Variants in SETX observed in about 807,000 individuals in gnomAD.
The protein encoded by SETX is helicase senataxin.
A neutral mutation model predicts 227.2 loss-of-function variants in SETX; 90 were observed. That is an observed-to-expected ratio of 0.40 (90% CI 0.33 to 0.47). SETX has a LOEUF of 0.47. Ranked by LOEUF, SETX falls within the 20% of genes least tolerant of loss-of-function variation. The probability of loss-of-function intolerance (pLI) is 0.91; values close to 1 mark genes in which losing one functional copy is unlikely to be tolerated. For missense variants in SETX, 3,052 were observed against 3,181.5 expected, an observed-to-expected ratio of 0.96 and a Z score of 0.98; for synonymous variants, 1,210 against 1,113.2, an observed-to-expected ratio of 1.09 and a Z score of -1.73.
chr9:132,292,891 C>A (rs1844425349), intron 15 of SETX, among the ~76,000 whole-genome samples: 1 of 152,122 alleles, frequency 6.6e-6, no homozygotes, highest in South Asian at 2.1e-4. Flanking sequence ...CCCGCCTCTG[C>A]CTCCCAAAGT....
rs1293229925 is a variant in SETX at position 132,328,298 on chromosome 9, A to T, written c.3300T>A (p.Asn1100Lys). The change falls in exon 10 of 26, where the codon AAT (asparagine) becomes AAA (lysine). Residue 1100 changes from asparagine (N) to lysine (K), a missense_variant. Coordinates refer to ENST00000224140, the MANE Select transcript of SETX (RefSeq NM_015046.7). ...TTTTCTCACCATCTTGAACTGAATT[A>T]TTATCGTCTGGATGATCTTGCCAAA... ...FSVWQDHPDD[N>K]NSVQDGEKKC... The T allele has an allele frequency of 4.3e-6, 7 of 1,613,942 alleles. No individual in the cohort carries two copies. The Admixed American group carries it at 1.2e-4, about 27-fold the overall frequency.
At position 132,328,082 on chromosome 9, in the gene SETX, A is replaced by C; in HGVS notation, c.3516T>G (p.Asp1172Glu). ...RKRSEKPMAEDPVRPSSSVRN... is the reference protein window; with the variant it reads ...RKRSEKPMAEEPVRPSSSVRN... ...TGACAGAAGATGAAGGCCTCACAGG[A>C]TCTTCAGCCATTGGTTTTTCAGATC... Residue 1172 changes from aspartate (D) to glutamate (E), a missense_variant, in exon 10 of 26, where the codon GAT becomes GAG. This residue lies in a region of SETX where 1,483 missense variants were observed against 1,312.0 expected (regional missense o/e 1.13). Coordinates refer to ENST00000224140, the MANE Select transcript of SETX (RefSeq NM_015046.7). The C allele has an allele frequency of 6.2e-7, 1 of 1,614,076 alleles. No individual in the cohort carries two copies. The highest frequency in any genetic ancestry group is 1.3e-5 in the African/African-American group (1 of 75,016).
chr9:132,302,173 C>T (rs10901151), intron 11 of SETX, among the ~76,000 whole-genome samples: 21,292 of 151,034 alleles, frequency 0.14, 2,073 homozygotes, highest in East Asian at 0.42. Flanking sequence ...CTGGCCAACA[C>T]GGTGAAACCC....
intron 10 of SETX, among the ~76,000 whole-genome samples, chr9:132,320,467 G>A (rs977185838): frequency 2.0e-5 from 3 of 151,998 alleles, no homozygotes; most frequent in South Asian, 2.1e-4. Context: ...GATGGCGGGC[G>A]CCTGTAATCC....
At chr9:132,289,981 G>A (rs538154571) in intron 15 of SETX, among the ~76,000 whole-genome samples, 1 of 152,168 alleles carries the variant, frequency 6.6e-6, no homozygotes, top group African/African-American at 2.4e-5. Context: ...GATATAAGTG[G>A]GCAAATCACT....
In SETX at chr9:132,327,915, G is replaced by A. The variant is rs921853577; in HGVS notation, c.3683C>T (p.Thr1228Ile). Residue 1228 changes from threonine to isoleucine, a missense_variant, in exon 10 of 26, where the codon ACT (threonine) becomes ATT (isoleucine). Coordinates refer to ENST00000224140, the MANE Select transcript of SETX (RefSeq NM_015046.7). ...VSQKKSSKLC[T>I]CTEPIRKVPV... ...AACTTTCCTGATGGGTTCTGTACAA[G>A]TACAAAGCTTTGAAGACTTCTTTTG... 6.2e-7 allele frequency: 1 copy of A among 1,614,178 alleles called. No individual in the cohort carries two copies. Among genetic ancestry groups the A allele is most frequent in the Non-Finnish European group, 8.5e-7 (1 of 1,180,038 alleles).
chr9:132,291,159 C>CTTTTTT (rs139976052), intron 15 of SETX, among the ~76,000 whole-genome samples: 61 of 83,802 alleles, frequency 7.3e-4, no homozygotes, highest in Non-Finnish European at 8.7e-4. Context: ...GTTTGAAAAC[C>CTTTTTT]TTTTTTTTTT....
In SETX at chr9:132,317,927, C is replaced by G. The variant is rs138319043; in HGVS notation, c.5275-6071G>C. Among the ~76,000 whole-genome samples, 391 of 152,236 alleles carry G rather than the reference C, an allele frequency of 2.6e-3. 3 individuals are homozygous for G. Among genetic ancestry groups the G allele is most frequent in the African/African-American group, 9.0e-3 (374 of 41,526 alleles). ...ATTCCCTTGGCATTAAAAGCCCTCT[C>G]AATCTCAACTCTCAACTCCTTCTCC... On this transcript the variant is annotated intron_variant, in intron 10 of 25. Coordinates refer to ENST00000224140, the MANE Select transcript of SETX (RefSeq NM_015046.7).
intron 15 of SETX, among the ~76,000 whole-genome samples, chr9:132,293,316 A>C (rs1378415561): frequency 2.0e-5 from 3 of 152,218 alleles, no homozygotes; most frequent in African/African-American, 7.2e-5. Context: ...AGAGACGTTC[A>C]AGTCATTTCC....
In SETX at chr9:132,261,789, G is replaced by T. The variant is rs192424784; in HGVS notation, c.*2450C>A. The stretch of plus-strand genomic sequence containing the variant: ...AAATCCAAGGCAAATTATATACAAA[G>T]AAACAAAACAAGCTTTTAAGTAGCA... On this transcript the variant is annotated 3_prime_UTR_variant, in exon 26 of 26. Coordinates refer to ENST00000224140, the MANE Select transcript of SETX (RefSeq NM_015046.7). 6.5e-6 allele frequency: 1 copy of T among 154,798 alleles called. No homozygotes were observed. Among genetic ancestry groups the T allele is most frequent in the East Asian group, 1.9e-4 (1 of 5,184 alleles). The allele number at this position is 154,798 out of a possible 1,614,324, so 9.6% of individuals were successfully genotyped here. A position where few individuals can be genotyped will look rare whatever the true frequency, so the allele number is the denominator to read the frequency against.
At position 132,277,108 on chromosome 9, in the gene SETX, G is replaced by A; in HGVS notation, c.6887C>T (p.Pro2296Leu). ...IRCSSDWPFQ[P>L]YLVFDVGDGS... is the part of the protein sequence containing the mutation. Reference sequence around the variant, plus strand: ...ATCTCCAACATCAAACACAAGGTATGGCTGAAATGGCCAATCTGATGAACA... The same window carrying A: ...ATCTCCAACATCAAACACAAGGTATAGCTGAAATGGCCAATCTGATGAACA... The change falls in exon 22 of 26, where the codon CCA becomes CTA. Residue 2296 changes from proline to leucine, a missense_variant. Pro to Leu is a moderately conservative substitution (Grantham distance 98). Coordinates refer to ENST00000224140, the MANE Select transcript of SETX (RefSeq NM_015046.7). 6.2e-7 allele frequency: 1 copy of A among 1,613,810 alleles called. No homozygotes were observed. Among genetic ancestry groups the A allele is most frequent in the South Asian group, 1.1e-5 (1 of 91,076 alleles).
intron 3 of SETX, among the ~76,000 whole-genome samples, chr9:132,347,847 A>C (rs1474916046): frequency 6.6e-6 from 1 of 152,094 alleles, no homozygotes; most frequent in Non-Finnish European, 1.5e-5. Context: ...TCTCAACACA[A>C]GTCCATTACT....
chr9:132,295,837 CA>C, intron 15 of SETX, 34 bp downstream of exon 15: 10 of 1,598,108 alleles, frequency 6.3e-6, no homozygotes, highest in Non-Finnish European at 8.5e-6. Flanking sequence ...ACACTGAAAA[CA>C]AAAACAAATT....
Position 132,342,699 on chromosome 9 carries a change from G to T in SETX, c.489C>A (p.Pro163=). Residue 163 remains proline (P), a synonymous_variant, in exon 5 of 26, where the codon CCC becomes CCA. Coordinates refer to ENST00000224140, the MANE Select transcript of SETX (RefSeq NM_015046.7). ...CAACACTCACACTCACCATTTCATT[G>T]GGATGGACTAAAAACAAATAGATCC... ...HPGIYLFLVH[P]NEMVRRWAIL... 1 of 1,608,360 alleles carries T rather than the reference G, an allele frequency of 6.2e-7. No individual in the cohort carries two copies. Among genetic ancestry groups the T allele is most frequent in the Middle Eastern group, 1.7e-4 (1 of 6,048 alleles).
chr9:132,319,854 T>C (rs936773782), intron 10 of SETX, among the ~76,000 whole-genome samples: 1 of 152,206 alleles, frequency 6.6e-6, no homozygotes, highest in African/African-American at 2.4e-5. Flanking sequence ...TAGTGCCTAA[T>C]GGTACTAAGT....
intron 21 of SETX, among the ~76,000 whole-genome samples, chr9:132,277,681 G>A (rs1843237470): frequency 6.6e-6 from 1 of 151,708 alleles, no homozygotes; most frequent in Non-Finnish European, 1.5e-5. Context: ...CTACTCAGGA[G>A]GCTGAGGCAG....
intron 19 of SETX, chr9:132,282,845 C>G (rs994111518): frequency 9.1e-6 from 2 of 218,960 alleles, no homozygotes; most frequent in African/African-American, 4.6e-5. Context: ...CTTTTGTCTT[C>G]TGACTCTACG....
At chr9:132,280,102 C>T (rs1843413434) in intron 20 of SETX, among the ~76,000 whole-genome samples, 1 of 152,104 alleles carries the variant, frequency 6.6e-6, no homozygotes, top group South Asian at 2.1e-4. Flanking sequence ...TCAATATATA[C>T]ATACTGAAAA....
At chr9:132,314,906 G>GTTTTTTTTTTT (rs559979271) in intron 10 of SETX, among the ~76,000 whole-genome samples, 1 of 88,478 alleles carries the variant, frequency 1.1e-5, no homozygotes, top group Non-Finnish European at 2.2e-5. Context: ...ATTTTATTGT[G>GTTTTTTTTTTT]TTTTTTTTTT....
Sources: gnomAD v4.1 joint callset for allele counts (sites outside exome capture counted in the v4.1 genomes callset) on GRCh38, gnomAD v4.1.1 for gene constraint, gnomAD v4.1.1 regional missense constraint, MANE v1.5 for transcripts, NCBI Gene and HGNC (gene_info 2026-07-23, HGNC 2026-07-21) for gene names.